The following ZBED6 variants were observed in gnomAD, a reference collection of about 807,000 sequenced individuals.
The protein encoded by ZBED6 is zinc finger BED domain-containing protein 6.
In ZBED6, 40 loss-of-function variants were observed where a neutral mutation model predicts 58.4. The observed-to-expected ratio is 0.68, with a 90% CI of 0.53 to 0.89. The LOEUF (loss-of-function observed/expected upper bound fraction) is 0.89, where lower values mean the gene tolerates loss of function less well. Ranked by LOEUF, ZBED6 falls within the 40% of genes least tolerant of loss-of-function variation. The pLI, the probability that ZBED6 is intolerant of heterozygous loss-of-function variation, is 0.00. For synonymous variants in ZBED6, 439 were observed against 350.6 expected (o/e 1.25, Z -2.82); for missense variants, 1,057 against 1,003.9 (o/e 1.05, Z -0.71).
At chr1:203,831,501 T>G (rs1682353659) in intron 7 of ZBED6, among the ~76,000 whole-genome samples, 160 bp from the exon 8 acceptor site, 1 of 152,188 alleles carries the variant, frequency 6.6e-6, no homozygotes, top group Non-Finnish European at 1.5e-5. Context: ...TCACCACTAC[T>G]CCATTTGACT....
At chr1:203,824,289 AAG>A (rs1679767949) in intron 3 of ZBED6, among the ~76,000 whole-genome samples, 1 of 151,488 alleles carries the variant, frequency 6.6e-6, no homozygotes, top group Non-Finnish European at 1.5e-5. Flanking sequence ...AAAAAAAAAA[AAG>A]AGGGAAAATA....
intron 6 of ZBED6, 83 bp from the exon 7 acceptor site, chr1:203,830,040 A>G (rs951180852): frequency 7.4e-7 from 1 of 1,348,002 alleles, no homozygotes; most frequent in African/African-American, 1.5e-5. Context: ...CATTTATTCA[A>G]AAATAAATGC....
intron 3 of ZBED6, among the ~76,000 whole-genome samples, chr1:203,822,145 G>C (rs1348465078): frequency 1.3e-5 from 2 of 152,112 alleles, no homozygotes; most frequent in African/African-American, 2.4e-5. Context: ...ACTTAGTCTA[G>C]ACTTCTCCTT....
At chr1:203,827,524 CA>C (rs1264095071) in intron 3 of ZBED6, among the ~76,000 whole-genome samples, 1 of 151,068 alleles carries the variant, frequency 6.6e-6, no homozygotes, top group East Asian at 1.9e-4. Context: ...ACTAAAAATA[CA>C]AAAAAAATTA....
Position 203,848,466 on chromosome 1 carries a change from A to C in ZBED6, c.*4322+59A>C, listed in dbSNP as rs954254510. The C allele has an allele frequency of 3.1e-6, 4 of 1,310,810 alleles. No homozygotes were observed. In the African/African-American group the frequency reaches 6.0e-5, roughly 20 times the overall value. 81.2% of individuals were successfully genotyped at this position (1,310,810 alleles called of 1,614,324 possible). The stretch of plus-strand genomic sequence containing the variant: ...GGCAAACAAAGGCTAGATAATTGGT[A>C]GTTTTACCTTACAATAAATTTCTAA... On this transcript the variant is annotated intron_variant, in intron 13 of 16. Transcript: ENST00000550078.
chr1:203,815,137 A>G (rs1675823897), intron 1 of ZBED6, among the ~76,000 whole-genome samples: 1 of 150,722 alleles, frequency 6.6e-6, no homozygotes, highest in African/African-American at 2.4e-5. Flanking sequence ...GCCATATATC[A>G]TAATTTTTAA....
intron 1 of ZBED6, among the ~76,000 whole-genome samples, 188 bp from the exon 2 acceptor site, chr1:203,816,738 T>C (rs1045114469): frequency 2.0e-5 from 3 of 152,210 alleles, no homozygotes; most frequent in Non-Finnish European, 1.5e-5. Flanking sequence ...GGCATGGCCT[T>C]TCTAGTCAAA....
chr1:203,819,089 T>TATATAC (rs1336523998), intron 3 of ZBED6, among the ~76,000 whole-genome samples: 1 of 140,956 alleles, frequency 7.1e-6, no homozygotes, highest in Non-Finnish European at 1.5e-5. Context: ...TATATATATA[T>TATATAC]ACACACACAC....
intron 11 of ZBED6, among the ~76,000 whole-genome samples, chr1:203,841,811 C>T (rs1244335279): frequency 4.8e-5 from 7 of 145,328 alleles, no homozygotes; most frequent in Non-Finnish European, 9.3e-5. Flanking sequence ...GACGGGGCGG[C>T]TGCCGGGCGG....
At chr1:203,798,863 A>G (rs1244469875) in exon 1 of ZBED6, 31 of 1,536,044 alleles carry the variant, frequency 2.0e-5, no homozygotes, top group Non-Finnish European at 2.6e-5. Flanking sequence ...ATAGGTTGCC[A>G]TCAGAGACTT....
intron 11 of ZBED6, among the ~76,000 whole-genome samples, chr1:203,841,096 G>A (rs1422930486): frequency 6.6e-6 from 1 of 150,644 alleles, no homozygotes; most frequent in Non-Finnish European, 1.5e-5. Context: ...AGATAACAGA[G>A]AGCACATACC....
chr1:203,824,969 C>T (rs761275863), intron 3 of ZBED6, among the ~76,000 whole-genome samples: 9 of 146,306 alleles, frequency 6.2e-5, no homozygotes, highest in African/African-American at 1.3e-4. Context: ...CCCAGCTACT[C>T]GGGAGGCTGA....
At chr1:203,822,769 C>G (rs973501695) in intron 3 of ZBED6, among the ~76,000 whole-genome samples, 1 of 152,190 alleles carries the variant, frequency 6.6e-6, no homozygotes, top group East Asian at 1.9e-4. Flanking sequence ...CACCCTATGC[C>G]AGTTCCACAT....
intron 1 of ZBED6, among the ~76,000 whole-genome samples, chr1:203,803,248 A>C (rs1029312720): frequency 6.6e-6 from 1 of 151,150 alleles, no homozygotes; most frequent in African/African-American, 2.4e-5. Context: ...CTGGAGTGCA[A>C]TGGTGCCATC....
chr1:203,837,564 T>C (rs1253875997), intron 9 of ZBED6, among the ~76,000 whole-genome samples: 1 of 151,926 alleles, frequency 6.6e-6, no homozygotes, highest in Non-Finnish European at 1.5e-5. Context: ...CCTTTCTACC[T>C]CCTGGGCTCA....
chr1:203,796,592 G>C lies in ZBED6; in HGVS notation c.-931G>C. ...AGGCTGTGGAACTAGAGATAGCGAT[G>C]CTTTTTAGGGTAAATGTATGTAGGT... On this transcript the variant is annotated 5_prime_UTR_variant, in exon 1 of 17. The change abolishes an upstream ATG in the 5' untranslated region. Coordinates refer to ENST00000550078, the Ensembl canonical transcript of ZBED6. 1 of 397,184 alleles carries C rather than the reference G, an allele frequency of 2.5e-6. No homozygotes were observed. Among genetic ancestry groups the C allele is most frequent in the Non-Finnish European group, 4.4e-6 (1 of 225,322 alleles). The allele number at this position is 397,184 out of a possible 1,614,324, so 24.6% of individuals were successfully genotyped here.
At chr1:203,818,049 A>G (rs555112573) in intron 2 of ZBED6, among the ~76,000 whole-genome samples, 11 of 152,188 alleles carry the variant, frequency 7.2e-5, no homozygotes, top group Admixed American at 5.2e-4. Context: ...GCCCGGTGAT[A>G]TTATGTTTTA....
exon 1 of ZBED6, chr1:203,797,809 C>T (rs1250065296): frequency 6.5e-7 from 1 of 1,535,958 alleles, no homozygotes; most frequent in African/African-American, 1.4e-5. Context: ...AGGCCTGTTG[C>T]AGATGCCCCT....
At chr1:203,805,710 T>A (rs757599234) in intron 1 of ZBED6, 1 of 661,504 alleles carries the variant, frequency 1.5e-6, no homozygotes, top group Non-Finnish European at 2.9e-6. Context: ...GAATTGCAGG[T>A]GCAGATGCTG....
Sources: allele counts gnomAD v4.1 joint callset (sites outside exome capture counted in the v4.1 genomes callset), GRCh38; gene constraint gnomAD v4.1.1; transcripts MANE v1.5; gene names NCBI Gene and HGNC (gene_info 2026-07-23, HGNC 2026-07-21).